The following CADPS2 variants were observed in gnomAD, a reference collection of about 807,000 sequenced individuals.
CADPS2 encodes the protein calcium dependent secretion activator 2, also known as calcium-dependent secretion activator 2.
Under a neutral mutation model 172.5 loss-of-function variants are expected in CADPS2, and 93 were observed. That is an observed-to-expected ratio of 0.54 (90% CI 0.46 to 0.64). The LOEUF is 0.64. Among genes scored for constraint, CADPS2 ranks in the 30% least tolerant of loss-of-function variants. The probability of loss-of-function intolerance (pLI) is 0.00; values close to 1 mark genes in which losing one functional copy is unlikely to be tolerated. For missense variants in CADPS2, 1,420 were observed against 1,565.9 expected, an observed-to-expected ratio of 0.91 and a Z score of 1.57; for synonymous variants, 546 against 555.2, an observed-to-expected ratio of 0.98 and a Z score of 0.23.
intron 17 of CADPS2, among the ~76,000 whole-genome samples, chr7:122,428,904 C>T (rs1309561143): frequency 6.6e-6 from 1 of 152,148 alleles, no homozygotes; most frequent in Non-Finnish European, 1.5e-5. Context: ...CCTCTCTCCT[C>T]CCCACACTTA....
intron 6 of CADPS2, among the ~76,000 whole-genome samples, chr7:122,614,889 A>G (rs2074720526): frequency 6.6e-6 from 1 of 152,226 alleles, no homozygotes; most frequent in Non-Finnish European, 1.5e-5. Flanking sequence ...CATGGTGATA[A>G]AATTTGCTTT....
Position 122,722,861 on chromosome 7 carries a change from T to A in CADPS2, c.453+14094A>T, listed in dbSNP as rs957362669. Among the ~76,000 whole-genome samples, 3 of 151,654 alleles carry A rather than the reference T, an allele frequency of 2.0e-5. No individual in the cohort carries two copies. In the South Asian group the frequency reaches 6.2e-4, roughly 32 times the overall value. ...AGATCAATGGAACAGAATAGAGCCC[T>A]CAGAAATAATACCACACATCTACAA... On this transcript the variant is annotated intron_variant, in intron 2 of 29. Coordinates refer to ENST00000449022, the MANE Select transcript of CADPS2 (RefSeq NM_017954.11).
intron 6 of CADPS2, among the ~76,000 whole-genome samples, chr7:122,607,633 C>A (rs1379727303): frequency 1.3e-5 from 2 of 152,128 alleles, no homozygotes; most frequent in African/African-American, 4.8e-5. Context: ...CATCTGGAAT[C>A]TAAATCCATC....
chr7:122,640,158 C>T (rs1479053972), intron 3 of CADPS2, among the ~76,000 whole-genome samples: 5 of 152,172 alleles, frequency 3.3e-5, no homozygotes, highest in Non-Finnish European at 5.9e-5. Flanking sequence ...CTCTCTCCCT[C>T]ACAGTCCACA....
intron 7 of CADPS2, among the ~76,000 whole-genome samples, chr7:122,568,902 T>G (rs888223496): frequency 1.3e-5 from 2 of 152,152 alleles, no homozygotes; most frequent in African/African-American, 2.4e-5. Flanking sequence ...GAGCTATCTA[T>G]GACAAACCCA....
chr7:122,815,003 C>T (rs1319256654), intron 1 of CADPS2, among the ~76,000 whole-genome samples: 15 of 152,026 alleles, frequency 9.9e-5, no homozygotes. Flanking sequence ...GCACAAAGAA[C>T]CCAACTTAGA....
At chr7:122,728,923 A>G (rs1562872962) in intron 2 of CADPS2, among the ~76,000 whole-genome samples, 1 of 151,796 alleles carries the variant, frequency 6.6e-6, no homozygotes, top group South Asian at 2.1e-4. Flanking sequence ...TGAAAAATAC[A>G]TAATTGTTAA....
At chr7:122,676,147 GGACT>G (rs1436108415) in intron 2 of CADPS2, among the ~76,000 whole-genome samples, 3 of 152,076 alleles carry the variant, frequency 2.0e-5, no homozygotes, top group African/African-American at 7.2e-5. Context: ...TCCGAAACTT[GGACT>G]GTCTAAATTA....
At chr7:122,799,985 A>G (rs1797255486) in intron 1 of CADPS2, among the ~76,000 whole-genome samples, 1 of 152,216 alleles carries the variant, frequency 6.6e-6, no homozygotes, top group Admixed American at 6.5e-5. Flanking sequence ...TCAGAAAAAA[A>G]GATATGTAAC....
chr7:122,427,799 G>T (rs1055135424), intron 17 of CADPS2, among the ~76,000 whole-genome samples: 4 of 151,756 alleles, frequency 2.6e-5, no homozygotes, highest in Admixed American at 1.3e-4. Context: ...AATTTATCAA[G>T]TTCTTTAAAA....
intron 1 of CADPS2, among the ~76,000 whole-genome samples, chr7:122,837,318 A>G (rs530012465): frequency 2.6e-5 from 4 of 152,358 alleles, no homozygotes; most frequent in Non-Finnish European, 5.9e-5. Context: ...TGCCCACAAG[A>G]GAAAGCAGGA....
chr7:122,605,360 T>G (rs995304967), intron 6 of CADPS2, among the ~76,000 whole-genome samples: 1 of 152,118 alleles, frequency 6.6e-6, no homozygotes, highest in Non-Finnish European at 1.5e-5. Flanking sequence ...CACTAAGAGA[T>G]AGGAATTTTT....
At chr7:122,818,148 T>A (rs1056012147) in intron 1 of CADPS2, among the ~76,000 whole-genome samples, 1 of 151,848 alleles carries the variant, frequency 6.6e-6, no homozygotes, top group Admixed American at 6.6e-5. Context: ...CTCCCTCTTT[T>A]CTCTAGGCTT....
At chr7:122,732,825 T>A (rs2137597579) in intron 2 of CADPS2, among the ~76,000 whole-genome samples, 1 of 141,984 alleles carries the variant, frequency 7.0e-6, no homozygotes, top group African/African-American at 2.6e-5. Flanking sequence ...ATGTATATTA[T>A]ATATAATATA....
In CADPS2 at chr7:122,320,298, C is replaced by T; in HGVS notation, c.3758G>A (p.Gly1253Glu). Residue 1253 changes from glycine to glutamate, a missense_variant, in exon 30 of 30, where the codon GGA (glycine) becomes GAA (glutamate). By Grantham distance (98) the Gly-to-Glu change is moderately conservative. Coordinates refer to ENST00000449022, the MANE Select transcript of CADPS2 (RefSeq NM_017954.11). Reference sequence around the variant, plus strand: ...ATCATAAGTCTTACTGTTCAGTGTTCCTTCCAACACACCCTGCAATCGAAA... The same window carrying T: ...ATCATAAGTCTTACTGTTCAGTGTTTCTTCCAACACACCCTGCAATCGAAA... ...RDFRLQGVLE[G>E]TLNSKTYDTV... 6.2e-7 allele frequency: 1 copy of T among 1,606,914 alleles called. No homozygotes were observed. The highest frequency in any genetic ancestry group is 1.3e-5 in the African/African-American group (1 of 74,788).
intron 2 of CADPS2, among the ~76,000 whole-genome samples, chr7:122,735,411 A>C (rs1325971784): frequency 6.6e-6 from 1 of 152,118 alleles, no homozygotes. Context: ...TGGTGCCCAG[A>C]AGAGAACATA....
At chr7:122,839,393 C>T (rs1276605101) in intron 1 of CADPS2, among the ~76,000 whole-genome samples, 5 of 152,036 alleles carry the variant, frequency 3.3e-5, no homozygotes, top group Non-Finnish European at 7.4e-5. Context: ...TCTAAAACAC[C>T]AAAAGCAATG....
intron 2 of CADPS2, among the ~76,000 whole-genome samples, chr7:122,722,535 A>C (rs2090559152): frequency 6.6e-6 from 1 of 151,800 alleles, no homozygotes; most frequent in South Asian, 2.1e-4. Context: ...GCTCAACGAA[A>C]TAAAAAAGGA....
At chr7:122,565,781 A>C (rs1025960200) in intron 7 of CADPS2, among the ~76,000 whole-genome samples, 3 of 152,182 alleles carry the variant, frequency 2.0e-5, no homozygotes, top group Non-Finnish European at 4.4e-5. Flanking sequence ...GTTTTTGTGT[A>C]TGTACTGAGA....
Sources: gnomAD v4.1 joint callset for allele counts (sites outside exome capture counted in the v4.1 genomes callset) on GRCh38, gnomAD v4.1.1 for gene constraint, MANE v1.5 for transcripts, NCBI Gene and HGNC (gene_info 2026-07-23, HGNC 2026-07-21) for gene names.